Variants in PPP2R2C observed in about 807,000 individuals in gnomAD.
PPP2R2C encodes protein phosphatase 2 regulatory subunit Bgamma, also known as protein phosphatase 2, regulatory subunit B, gamma.
In PPP2R2C, 10 loss-of-function variants were observed where a neutral mutation model predicts 45.3. That is an observed-to-expected ratio of 0.22 (90% CI 0.14 to 0.37). The LOEUF (loss-of-function observed/expected upper bound fraction) is 0.37, where lower values mean the gene tolerates loss of function less well. Ranked by LOEUF, PPP2R2C falls within the 10% of genes least tolerant of loss-of-function variation. The pLI is 1.00. For missense variants in PPP2R2C, 308 were observed against 619.7 expected, an observed-to-expected ratio of 0.50 and a Z score of 5.34; for synonymous variants, 257 against 245.4, an observed-to-expected ratio of 1.05 and a Z score of -0.44.
intron 6 of PPP2R2C, among the ~76,000 whole-genome samples, chr4:6,336,591 T>G: frequency 2.1e-4 from 5 of 24,084 alleles, no homozygotes; most frequent in Non-Finnish European, 4.2e-4. Flanking sequence ...CTGTACAGAG[T>G]GAGCCCAGTG....
In PPP2R2C at chr4:6,332,968, T is replaced by G. The variant is rs1441836908; in HGVS notation, c.960+594A>C. Among the ~76,000 whole-genome samples the G allele has an allele frequency of 6.6e-6, 1 of 152,184 alleles. No homozygotes were observed. ...TCCCACATTTCTTTCAAGTCCACAT[T>G]TTATTTTAACATCACATGAGTTTTG... On this transcript the variant is annotated intron_variant, in intron 7 of 8. Transcript: ENST00000382599. This position sits in a 1 kb window ranked among gnomAD's most constrained non-coding sequence, Gnocchi z 4.9.
At chr4:6,379,186 T>C (rs968374914) in intron 2 of PPP2R2C, among the ~76,000 whole-genome samples, 5 of 152,112 alleles carry the variant, frequency 3.3e-5, no homozygotes, top group Non-Finnish European at 5.9e-5. Flanking sequence ...TTGGAATCTG[T>C]CCCCGGCTTT....
Position 6,322,078 on chromosome 4 carries a change from G to C in PPP2R2C, c.*1224C>G, listed in dbSNP as rs924121394. Reference sequence around the variant, plus strand: ...GGGTCTTCTCTGTCTTCCATCCTGCGTCTCAGTTCTCCTGGACCCTTGTCG... The same window carrying C: ...GGGTCTTCTCTGTCTTCCATCCTGCCTCTCAGTTCTCCTGGACCCTTGTCG... On this transcript the variant is annotated 3_prime_UTR_variant, in exon 9 of 9. Transcript: ENST00000382599. This position sits in a 1 kb window ranked among gnomAD's most constrained non-coding sequence, Gnocchi z 7.8. 6.6e-6 allele frequency: 1 copy of C among 151,898 alleles called. No homozygotes were observed. The highest frequency in any genetic ancestry group is 2.1e-4 in the South Asian group (1 of 4,818). The allele number at this position is 151,898 out of a possible 1,614,324, so 9.4% of individuals were successfully genotyped here. A position where few individuals can be genotyped will look rare whatever the true frequency, so the allele number is the denominator to read the frequency against.
intron 1 of PPP2R2C, among the ~76,000 whole-genome samples, chr4:6,559,760 C>T (rs1481978564): frequency 1.3e-5 from 2 of 152,214 alleles, no homozygotes; most frequent in East Asian, 1.9e-4. Context: ...CATCCGTGAA[C>T]CAGAACGCAG....
At chr4:6,382,818 A>C in intron 1 of PPP2R2C, 1 of 1,039,062 alleles carries the variant, frequency 9.6e-7, no homozygotes, top group Non-Finnish European at 1.2e-6. Context: ...CTCCCTGGCT[A>C]TGACGTAGCC....
At chr4:6,509,061 C>A (rs1006472406) in intron 2 of PPP2R2C, among the ~76,000 whole-genome samples, 1 of 152,234 alleles carries the variant, frequency 6.6e-6, no homozygotes, top group Admixed American at 6.5e-5. Flanking sequence ...GAGGTGAGCA[C>A]TGAGTTGCTG....
rs61011461 is a variant in PPP2R2C, at chr4:6,355,993, GAAAAA to G, written c.626-7988_626-7984del. Among the ~76,000 whole-genome samples the G allele has an allele frequency of 1.4e-3, 141 of 97,874 alleles. 2 individuals are homozygous for G. The highest frequency in any genetic ancestry group is 4.2e-3 in the African/African-American group (122 of 28,918). 64.2% of individuals were successfully genotyped at this position (97,874 alleles called of 152,430 possible). The stretch of plus-strand genomic sequence containing the variant: ...GGGTGACAGAGTGAGACTCTGCCTG[GAAAAA>G]AAAAAAAAAAAAAAAAAAGAGCACT... On this transcript the variant is annotated intron_variant, in intron 5 of 8. Coordinates refer to ENST00000382599, the MANE Select transcript of PPP2R2C (RefSeq NM_020416.4).
At chr4:6,333,821 A>C (rs992046712) in intron 6 of PPP2R2C, 90 bp from the exon 7 acceptor site, 1 of 1,385,574 alleles carries the variant, frequency 7.2e-7, no homozygotes, top group African/African-American at 1.4e-5. Context: ...ACCTGGGCCC[A>C]TGCTCTGTTT....
chr4:6,339,744 G>C (rs916599969), intron 6 of PPP2R2C, among the ~76,000 whole-genome samples: 1 of 152,206 alleles, frequency 6.6e-6, no homozygotes, highest in Non-Finnish European at 1.5e-5. Context: ...TGGCCTGGAG[G>C]GGGAGGGGCC....
chr4:6,339,542 C>T (rs1355733792), intron 6 of PPP2R2C, among the ~76,000 whole-genome samples: 2 of 152,264 alleles, frequency 1.3e-5, no homozygotes, highest in African/African-American at 4.8e-5. Flanking sequence ...CTGTGCCCCA[C>T]CCCCATCGTT....
At chr4:6,413,790 C>T (rs1204489861) in intron 1 of PPP2R2C, 10 of 1,367,722 alleles carry the variant, frequency 7.3e-6, no homozygotes, top group African/African-American at 1.4e-5. Context: ...GAAGTGGAGA[C>T]TGGCCAAAGG....
chr4:6,366,316 C>T (rs1714300802), intron 5 of PPP2R2C, among the ~76,000 whole-genome samples: 1 of 152,240 alleles, frequency 6.6e-6, no homozygotes, highest in South Asian at 2.1e-4. Flanking sequence ...GGCTCCTTCT[C>T]CTGCACTTTA....
chr4:6,409,157 C>T (rs184346417), intron 1 of PPP2R2C, among the ~76,000 whole-genome samples: 9 of 152,174 alleles, frequency 5.9e-5, no homozygotes, highest in Admixed American at 3.9e-4. Flanking sequence ...ACACAAAATA[C>T]GGAGAACAGG....
rs143328517 is a variant in PPP2R2C, at chr4:6,365,437, C to T, written c.625+7086G>A. On this transcript the variant is annotated intron_variant, in intron 5 of 8. Transcript: ENST00000382599. Reference sequence around the variant, plus strand: ...TGCTGGTGAGGGTTGCTTGTCTACACGGCACCAGGCCCCATACTCATCGGC... The same window carrying T: ...TGCTGGTGAGGGTTGCTTGTCTACATGGCACCAGGCCCCATACTCATCGGC... 2.4e-4 allele frequency among the ~76,000 whole-genome samples: 37 copies of T among 152,090 alleles called. No homozygotes were observed. The East Asian group carries it at 5.6e-3, about 23-fold the overall frequency.
rs1426119209 is a variant in PPP2R2C at position 6,471,019 on chromosome 4, A to T, written c.70+1141T>A. 6.6e-6 allele frequency among the ~76,000 whole-genome samples: 1 copy of T among 151,818 alleles called. No homozygotes were observed. Among genetic ancestry groups the T allele is most frequent in the African/African-American group, 2.4e-5 (1 of 41,360 alleles). On this transcript the variant is annotated intron_variant, in intron 1 of 8. Transcript: ENST00000382599. This position sits in a 1 kb window ranked among gnomAD's most constrained non-coding sequence, Gnocchi z 5.6. ...CGGGGCTCCGGCTCCGCTCGGCCTCATTTCCGGCAGAGCCAGGCTTCGAGG... is the reference window on the plus strand; with the variant it reads ...CGGGGCTCCGGCTCCGCTCGGCCTCTTTTCCGGCAGAGCCAGGCTTCGAGG...
In PPP2R2C at chr4:6,321,491, T is replaced by TA. The variant is rs11428044; in HGVS notation, c.*1810dup. 0.048 allele frequency: 7,365 copies of TA among 152,144 alleles called. 221 individuals are homozygous for TA. Among genetic ancestry groups the TA allele is most frequent in the Middle Eastern group, 0.11 (33 of 292 alleles). 9.4% of individuals were successfully genotyped at this position (152,144 alleles called of 1,614,324 possible). ...ACAAACATTCTTCATTCACGTTGAT[T>TA]AAAAAAAAATCAATGATCCATTTCC... is the stretch of plus-strand genomic sequence containing the variant. On this transcript the variant is annotated 3_prime_UTR_variant, in exon 9 of 9. Coordinates refer to ENST00000382599, the MANE Select transcript of PPP2R2C (RefSeq NM_020416.4).
Position 6,322,604 on chromosome 4 carries a change from C to G in PPP2R2C, c.*698G>C, listed in dbSNP as rs1356886152. 6.6e-6 allele frequency: 1 copy of G among 152,258 alleles called. No homozygotes were observed. The highest frequency in any genetic ancestry group is 1.5e-5 in the Non-Finnish European group (1 of 68,106). The allele number at this position is 152,258 out of a possible 1,614,324, so 9.4% of individuals were successfully genotyped here. On this transcript the variant is annotated 3_prime_UTR_variant, in exon 9 of 9. Coordinates refer to ENST00000382599, the MANE Select transcript of PPP2R2C (RefSeq NM_020416.4). This position sits in a 1 kb window ranked among gnomAD's most constrained non-coding sequence, Gnocchi z 7.8. ...AAATGGCAGGTGAATCAGATGAGGACACAGGCACACAGAAGACAAACCCCA... is the reference window on the plus strand; with the variant it reads ...AAATGGCAGGTGAATCAGATGAGGAGACAGGCACACAGAAGACAAACCCCA...
At chr4:6,508,543 C>A (rs964054942) in intron 2 of PPP2R2C, among the ~76,000 whole-genome samples, 1 of 151,832 alleles carries the variant, frequency 6.6e-6, no homozygotes, top group Non-Finnish European at 1.5e-5. Context: ...GAGCCAAGAT[C>A]GTGCCACTGC....
chr4:6,383,104 C>T (rs529477841), intron 1 of PPP2R2C: 5 of 1,100,078 alleles, frequency 4.5e-6, no homozygotes, highest in Non-Finnish European at 4.5e-6. Context: ...TTCGACAAGC[C>T]GCAAACAGAG....
Sources: gnomAD v4.1 joint callset for allele counts (sites outside exome capture counted in the v4.1 genomes callset) on GRCh38, gnomAD v4.1.1 for gene constraint, Gnocchi (gnomAD v3.1) non-coding constraint, MANE v1.5 for transcripts, NCBI Gene and HGNC (gene_info 2026-07-23, HGNC 2026-07-21) for gene names.